The following CPED1 variants were observed in gnomAD, a reference collection of about 807,000 sequenced individuals.
The protein encoded by CPED1 is cadherin-like and PC-esterase domain-containing protein 1.
A neutral mutation model predicts 128.2 loss-of-function variants in CPED1; 114 were observed. That is an observed-to-expected ratio of 0.89 (90% CI 0.76 to 1.04). CPED1 has a LOEUF of 1.04. Ranked by LOEUF, CPED1 falls within the 50% of genes least tolerant of loss-of-function variation. The pLI, the probability that CPED1 is intolerant of heterozygous loss-of-function variation, is 0.00. For missense variants in CPED1, 1,211 were observed against 1,207.1 expected, an observed-to-expected ratio of 1.00 and a Z score of -0.05; for synonymous variants, 462 against 426.7, an observed-to-expected ratio of 1.08 and a Z score of -1.02.
intron 2 of CPED1, among the ~76,000 whole-genome samples, chr7:120,995,141 C>A (rs773867346): frequency 6.6e-6 from 1 of 152,196 alleles, no homozygotes; most frequent in Non-Finnish European, 1.5e-5. Context: ...CTCTACTTCC[C>A]TTCAGAGAAA....
chr7:121,266,855 A>T (rs201091611), intron 20 of CPED1, 47 bp downstream of exon 20: 1 of 1,354,684 alleles, frequency 7.4e-7, no homozygotes, highest in Non-Finnish European at 1.1e-6. Context: ...AAGTCAAAAA[A>T]GTTACTATGG....
intron 18 of CPED1, among the ~76,000 whole-genome samples, chr7:121,245,971 G>A (rs1798520586): frequency 6.6e-6 from 1 of 151,928 alleles, no homozygotes; most frequent in African/African-American, 2.4e-5. Flanking sequence ...GGGATTACAG[G>A]TGTGAGCCAC....
intron 7 of CPED1, among the ~76,000 whole-genome samples, chr7:121,105,509 T>A (rs1485914084): frequency 6.6e-6 from 1 of 152,142 alleles, no homozygotes; most frequent in Admixed American, 6.6e-5. Flanking sequence ...TTATGTCAGC[T>A]GTAGAAAGAA....
intron 5 of CPED1, among the ~76,000 whole-genome samples, chr7:121,088,900 A>G (rs969152384): frequency 9.9e-5 from 15 of 151,796 alleles, no homozygotes; most frequent in African/African-American, 3.6e-4. Flanking sequence ...ATAATTCTTT[A>G]CTCATATGCA....
chr7:121,067,830 A>G (rs975468867), intron 5 of CPED1, among the ~76,000 whole-genome samples: 6 of 152,070 alleles, frequency 3.9e-5, no homozygotes, highest in African/African-American at 1.4e-4. Flanking sequence ...ATGGTATCTC[A>G]TTGTGGTTTT....
intron 8 of CPED1, among the ~76,000 whole-genome samples, chr7:121,125,328 A>G (rs922451919): frequency 6.6e-6 from 1 of 152,166 alleles, no homozygotes; most frequent in African/African-American, 2.4e-5. Context: ...GTTCTGGGAT[A>G]TATGTGCAGA....
At chr7:121,221,143 G>A (rs1032659581) in intron 16 of CPED1, among the ~76,000 whole-genome samples, 5 of 152,054 alleles carry the variant, frequency 3.3e-5, no homozygotes, top group African/African-American at 1.2e-4. Flanking sequence ...GCCCCTGTGT[G>A]TGATGTTCCC....
intron 14 of CPED1, among the ~76,000 whole-genome samples, chr7:121,139,754 A>C (rs535927319): frequency 6.6e-6 from 1 of 152,196 alleles, no homozygotes; most frequent in South Asian, 2.1e-4. Flanking sequence ...AAAGCAGGGG[A>C]AAAAACAACA....
intron 7 of CPED1, among the ~76,000 whole-genome samples, chr7:121,107,138 G>A (rs1018959341): frequency 2.6e-5 from 4 of 152,006 alleles, no homozygotes; most frequent in African/African-American, 4.8e-5. Context: ...TGGATCTTTG[G>A]GAAATGGACC....
At chr7:121,223,953 T>C (rs1797944626) in intron 16 of CPED1, among the ~76,000 whole-genome samples, 1 of 152,154 alleles carries the variant, frequency 6.6e-6, no homozygotes, top group African/African-American at 2.4e-5. Context: ...TTTTTGTGTC[T>C]CTATTTCTTT....
chr7:121,133,626 G>A (rs187836175), intron 12 of CPED1, among the ~76,000 whole-genome samples, 197 bp from the exon 13 acceptor site: 43 of 152,174 alleles, frequency 2.8e-4, no homozygotes, highest in Non-Finnish European at 5.4e-4. Context: ...TGCTTCTACT[G>A]ATTAGGGATG....
At chr7:121,170,973 C>G (rs1443198748) in intron 16 of CPED1, among the ~76,000 whole-genome samples, 1 of 151,946 alleles carries the variant, frequency 6.6e-6, no homozygotes, top group Admixed American at 6.6e-5. Context: ...TCGCTTGAAC[C>G]TGGGAGGCAG....
At chr7:121,068,236 T>G (rs1280438097) in intron 5 of CPED1, among the ~76,000 whole-genome samples, 1 of 152,238 alleles carries the variant, frequency 6.6e-6, no homozygotes, top group African/African-American at 2.4e-5. Flanking sequence ...TCTAGTGCTT[T>G]TATGGTTTTA....
At chr7:121,008,522 A>T (rs974922866) in intron 2 of CPED1, among the ~76,000 whole-genome samples, 11 of 152,174 alleles carry the variant, frequency 7.2e-5, no homozygotes, top group Non-Finnish European at 1.6e-4. Context: ...GATTTAATTT[A>T]ATTACTTATT....
At chr7:121,076,990 G>T (rs1195605445) in intron 5 of CPED1, among the ~76,000 whole-genome samples, 1 of 151,986 alleles carries the variant, frequency 6.6e-6, no homozygotes, top group Non-Finnish European at 1.5e-5. Flanking sequence ...CTGTGATAAA[G>T]GGTAGGATCC....
At chr7:120,990,676 G>A (rs1304448944) in intron 2 of CPED1, among the ~76,000 whole-genome samples, 1 of 152,066 alleles carries the variant, frequency 6.6e-6, no homozygotes, top group Non-Finnish European at 1.5e-5. Flanking sequence ...GATCATGGTG[G>A]CAAAGCTACT....
In CPED1 at chr7:121,142,108, G is replaced by C. The variant is rs1235732499; in HGVS notation, c.2022G>C (p.Leu674Phe). The change falls in exon 16 of 23, where the codon TTG (leucine) becomes TTC (phenylalanine). Residue 674 changes from leucine (L) to phenylalanine (F), a missense_variant. By Grantham distance (22) the Leu-to-Phe change is conservative. Transcript: ENST00000310396. The stretch of plus-strand genomic sequence containing the variant: ...GAGAAGACCGCCCAAGTCTGCCCTT[G>C]TTTGAGGCCTTCACAGCATGTGGTT... ...IYREDRPSLP[L>F]FEAFTACGFV... is the part of the protein sequence containing the mutation. The C allele has an allele frequency of 1.2e-6, 2 of 1,611,964 alleles. 1 individual carries two copies. Among genetic ancestry groups the C allele is most frequent in the South Asian group, 2.2e-5 (2 of 90,886 alleles).
chr7:121,127,539 CTTT>C (rs67688816), intron 10 of CPED1, among the ~76,000 whole-genome samples: 32 of 134,892 alleles, frequency 2.4e-4, no homozygotes, highest in Admixed American at 4.4e-4. Context: ...CTTTTTCTTT[CTTT>C]TTTTTTTTTT....
chr7:121,271,249 T>A (rs372244732), intron 21 of CPED1, 35 bp from the exon 22 acceptor site: 1 of 1,554,404 alleles, frequency 6.4e-7, no homozygotes, highest in Non-Finnish European at 8.8e-7. Flanking sequence ...AATCCTCTGG[T>A]AATAAAAATT....
Sources: gnomAD v4.1 joint callset for allele counts (sites outside exome capture counted in the v4.1 genomes callset) on GRCh38, gnomAD v4.1.1 for gene constraint, MANE v1.5 for transcripts, NCBI Gene and HGNC (gene_info 2026-07-23, HGNC 2026-07-21) for gene names.